Variants in BEND3 observed in about 807,000 individuals in gnomAD.
The protein encoded by BEND3 is BEN domain-containing protein 3.
BEND3 carries 13 observed loss-of-function variants against 60.1 expected under a neutral mutation model. The observed-to-expected ratio is 0.22, with a 90% CI of 0.14 to 0.34. The LOEUF (loss-of-function observed/expected upper bound fraction) is 0.34. Among genes scored for constraint, BEND3 ranks in the 10% least tolerant of loss-of-function variants. The pLI, the probability that BEND3 is intolerant of heterozygous loss-of-function variation, is 1.00. For synonymous variants in BEND3, 497 were observed against 491.5 expected (o/e 1.01, Z -0.15); for missense variants, 896 against 1,138.1 (o/e 0.79, Z 3.06).
intron 1 of BEND3, among the ~76,000 whole-genome samples, chr6:107,103,688 C>T (rs1352650310): frequency 1.3e-5 from 2 of 151,986 alleles, no homozygotes; most frequent in Non-Finnish European, 2.9e-5. Context: ...GTGGCACACG[C>T]CTGTAATCCC....
intron 1 of BEND3, among the ~76,000 whole-genome samples, chr6:107,113,452 A>C (rs1297715641): frequency 5.9e-4 from 20 of 33,920 alleles, no homozygotes; most frequent in African/African-American, 2.0e-3. Flanking sequence ...AAAAAAAAAA[A>C]ACAAAAAAAA....
chr6:107,087,347 A>T (rs188477304), intron 3 of BEND3, among the ~76,000 whole-genome samples: 4 of 152,194 alleles, frequency 2.6e-5, no homozygotes, highest in Admixed American at 2.0e-4. Flanking sequence ...AAAAACGACA[A>T]GGCGTACTAA....
intron 3 of BEND3, 55 bp from the exon 4 acceptor site, chr6:107,071,005 A>G (rs1774968730): frequency 6.6e-7 from 1 of 1,508,938 alleles, no homozygotes; most frequent in Non-Finnish European, 8.9e-7. Flanking sequence ...GGTTTATGAC[A>G]CTAAACAAGG....
intron 3 of BEND3, among the ~76,000 whole-genome samples, chr6:107,085,248 C>CT: frequency 6.6e-6 from 1 of 152,174 alleles, no homozygotes; most frequent in Non-Finnish European, 1.5e-5. Context: ...GACACACCAT[C>CT]TTTAAGAGCT....
intron 1 of BEND3, among the ~76,000 whole-genome samples, chr6:107,109,240 G>A (rs888150446): frequency 6.6e-6 from 1 of 151,020 alleles, no homozygotes. Flanking sequence ...ACCTGAGGTT[G>A]AGAGACCAGC....
At chr6:107,087,781 A>C (rs1775385497) in intron 3 of BEND3, among the ~76,000 whole-genome samples, 2 of 144,698 alleles carry the variant, frequency 1.4e-5, no homozygotes, top group African/African-American at 5.1e-5. Context: ...ATGGACACAC[A>C]AATGAAAATA....
chr6:107,085,237 G>A (rs1218977950), intron 3 of BEND3, among the ~76,000 whole-genome samples: 1 of 152,140 alleles, frequency 6.6e-6, no homozygotes, highest in East Asian at 1.9e-4. Context: ...AACAAACTCT[G>A]GACACACCAT....
intron 1 of BEND3, among the ~76,000 whole-genome samples, chr6:107,109,606 G>A (rs1380668624): frequency 2.0e-5 from 3 of 151,976 alleles, no homozygotes; most frequent in Admixed American, 6.6e-5. Context: ...CGGCACGGTC[G>A]CTCACGCCTG....
At chr6:107,106,362 G>A (rs1775814266) in intron 1 of BEND3, among the ~76,000 whole-genome samples, 1 of 152,178 alleles carries the variant, frequency 6.6e-6, no homozygotes, top group South Asian at 2.1e-4. Flanking sequence ...CTCCCGGCAT[G>A]AGAGCTTCAT....
chr6:107,098,664 A>G lies in BEND3; in HGVS notation c.127T>C (p.Ser43Pro), dbSNP rs1250986292. Residue 43 changes from serine (S) to proline (P), a missense_variant, in exon 3 of 4, where the codon TCT becomes CCT. By Grantham distance (74) the Ser-to-Pro change is moderately conservative (BLOSUM62 -1). Coordinates refer to ENST00000369042, the MANE Select transcript of BEND3 (RefSeq NM_001367314.1). ...AGGGCAGTGAGGACGCTGTCCACAGAGTGCTTCTCAGAAGTCCTGGAATTC... is the reference window on the plus strand; with the variant it reads ...AGGGCAGTGAGGACGCTGTCCACAGGGTGCTTCTCAGAAGTCCTGGAATTC... ...SVNSRTSEKH[S>P]VDSVLTALQD... The G allele has an allele frequency of 2.5e-6, 4 of 1,613,956 alleles. No homozygotes were observed. Among genetic ancestry groups the G allele is most frequent in the Non-Finnish European group, 2.5e-6 (3 of 1,180,022 alleles).
intron 3 of BEND3, among the ~76,000 whole-genome samples, chr6:107,087,205 A>G (rs1333022700): frequency 7.0e-6 from 1 of 143,386 alleles, no homozygotes. Context: ...TGTAATCCTA[A>G]CTATTTGGCA....
intron 3 of BEND3, among the ~76,000 whole-genome samples, chr6:107,084,910 G>C (rs1435495064): frequency 6.6e-6 from 1 of 152,240 alleles, no homozygotes; most frequent in African/African-American, 2.4e-5. Context: ...GGCCACCCAA[G>C]CCAGCAGTGG....
chr6:107,104,782 C>A (rs1315303815), intron 1 of BEND3, among the ~76,000 whole-genome samples: 3 of 151,846 alleles, frequency 2.0e-5, no homozygotes, highest in African/African-American at 7.3e-5. Context: ...CATCCTCCCA[C>A]CTCAGCCTCC....
At position 107,069,233 on chromosome 6, in the gene BEND3, G is replaced by A; in HGVS notation, c.1958C>T (p.Ser653Phe). Residue 653 changes from serine (S) to phenylalanine (F), a missense_variant, in exon 4 of 4, where the codon TCC (serine) becomes TTC (phenylalanine). By Grantham distance (155) the Ser-to-Phe change is radical. Around this residue, in one of 4 missense-constraint regions of BEND3, gnomAD observed 846 missense variants for 1,036.7 expected, o/e 0.82. Transcript: ENST00000369042. ...GTGGACCTTGCGCTGCTGCTGGTAG[G>A]AGCGCCTTTGCTCCGTGTCCCGGCG... ...CRRRDTEQRRSYQQQRKVHVP... is the reference protein window; with the variant it reads ...CRRRDTEQRRFYQQQRKVHVP... 6.2e-7 allele frequency: 1 copy of A among 1,612,080 alleles called. No individual in the cohort carries two copies. Among genetic ancestry groups the A allele is most frequent in the Non-Finnish European group, 8.5e-7 (1 of 1,179,684 alleles).
At chr6:107,086,853 C>T (rs572247748) in intron 3 of BEND3, among the ~76,000 whole-genome samples, 7 of 151,468 alleles carry the variant, frequency 4.6e-5, no homozygotes, top group South Asian at 4.2e-4. Context: ...GGTAAAACCC[C>T]GTCTCTACTA....
At chr6:107,078,590 G>A (rs1554233082) in intron 3 of BEND3, among the ~76,000 whole-genome samples, 3 of 147,838 alleles carry the variant, frequency 2.0e-5, no homozygotes, top group Admixed American at 6.8e-5. Context: ...AAAGTGCTGG[G>A]ATTACAGGCG....
At chr6:107,081,800 A>T (rs1562304741) in intron 3 of BEND3, among the ~76,000 whole-genome samples, 1 of 152,088 alleles carries the variant, frequency 6.6e-6, no homozygotes, top group Non-Finnish European at 1.5e-5. Context: ...AAATAAATAA[A>T]GGAGAATATA....
At chr6:107,112,018 G>GA (rs1284020309) in intron 1 of BEND3, among the ~76,000 whole-genome samples, 2 of 150,940 alleles carry the variant, frequency 1.3e-5, no homozygotes, top group African/African-American at 2.4e-5. Context: ...TAAGCACCAG[G>GA]AAAAAAACAC....
chr6:107,099,236 A>T lies in BEND3; in HGVS notation c.37+13T>A, dbSNP rs78571362. 1.4e-6 allele frequency: 2 copies of T among 1,437,662 alleles called. No homozygotes were observed. Among genetic ancestry groups the T allele is most frequent in the African/African-American group, 2.8e-5 (2 of 70,608 alleles). The allele number at this position is 1,437,662 out of a possible 1,614,324, so 89.1% of individuals were successfully genotyped here. A position where few individuals can be genotyped will look rare whatever the true frequency, so the allele number is the denominator to read the frequency against. On this transcript the variant is annotated intron_variant, in intron 2 of 3. Coordinates refer to ENST00000369042, the MANE Select transcript of BEND3 (RefSeq NM_001367314.1). Reference sequence around the variant, plus strand: ...GTTAAAAACATTTTTCAAAAAGGGCATTTTTTTTTTACCTTCTTCTACATC... The same window carrying T: ...GTTAAAAACATTTTTCAAAAAGGGCTTTTTTTTTTTACCTTCTTCTACATC...
Sources: allele counts gnomAD v4.1 joint callset (sites outside exome capture counted in the v4.1 genomes callset), GRCh38; gene constraint gnomAD v4.1.1; regional missense constraint gnomAD v4.1.1; transcripts MANE v1.5; gene names NCBI Gene and HGNC (gene_info 2026-07-23, HGNC 2026-07-21).